CNEP1R1: variants seen among roughly 807,000 people sequenced by gnomAD.
CNEP1R1 encodes the protein CTD nuclear envelope phosphatase 1 regulatory subunit 1.
In CNEP1R1, 10 loss-of-function variants were observed where a neutral mutation model predicts 22.7. The ratio of observed to expected loss-of-function variants is 0.44; its 90% CI spans 0.27 to 0.75. The LOEUF (loss-of-function observed/expected upper bound fraction) is 0.75, where lower values mean the gene tolerates loss of function less well. Ranked by LOEUF, CNEP1R1 falls within the 30% of genes least tolerant of loss-of-function variation. The pLI, the probability that CNEP1R1 is intolerant of heterozygous loss-of-function variation, is 0.17. For synonymous variants in CNEP1R1, 53 were observed against 50.1 expected (o/e 1.06, Z -0.25); for missense variants, 73 against 151.5 (o/e 0.48, Z 2.72).
At position 50,033,891 on chromosome 16, in the gene CNEP1R1, G is replaced by GT. The variant is rs1248241167; in HGVS notation, c.282-201dup. Among the ~76,000 whole-genome samples the GT allele has an allele frequency of 5.5e-3, 740 of 135,604 alleles. 7 individuals are homozygous for GT. Among genetic ancestry groups the GT allele is most frequent in the African/African-American group, 0.018 (664 of 37,548 alleles). The allele number at this position is 135,604 out of a possible 152,430, so 89.0% of individuals were successfully genotyped here. The stretch of plus-strand genomic sequence containing the variant: ...AAAAAAAAAAAAGAGTACGCTTTGT[G>GT]TTTTTTTTTTGAGACAGAGTCTTGC... On this transcript the variant is annotated intron_variant, in intron 4 of 5. Coordinates refer to ENST00000427478, the MANE Select transcript of CNEP1R1 (RefSeq NM_001281789.2).
At chr16:50,033,821 G>A (rs1057318965) in intron 4 of CNEP1R1, among the ~76,000 whole-genome samples, 6 of 147,020 alleles carry the variant, frequency 4.1e-5, no homozygotes, top group South Asian at 2.1e-4. Context: ...CTGAAATCAC[G>A]CCACTGCACT....
At chr16:50,033,289 G>A in intron 3 of CNEP1R1, 108 bp from the exon 4 acceptor site, 1 of 480,950 alleles carries the variant, frequency 2.1e-6, no homozygotes, top group East Asian at 3.3e-5. Flanking sequence ...AAATCCTCAT[G>A]GTTTATATGA....
chr16:50,031,050 C>T (rs910379458), intron 3 of CNEP1R1, among the ~76,000 whole-genome samples: 4 of 152,058 alleles, frequency 2.6e-5, no homozygotes, highest in Admixed American at 6.6e-5. Context: ...AGTAGTTAGT[C>T]TCCAATTTTT....
intron 5 of CNEP1R1, chr16:50,034,455 T>G: frequency 2.8e-6 from 1 of 360,878 alleles, no homozygotes; most frequent in Non-Finnish European, 5.2e-6. Flanking sequence ...GTACAGTGGT[T>G]GTTTGTTATT....
chr16:50,028,364 T>G (rs900425514), intron 2 of CNEP1R1, among the ~76,000 whole-genome samples: 45 of 152,250 alleles, frequency 3.0e-4, no homozygotes, highest in African/African-American at 1.0e-3. Flanking sequence ...AAAGTGTAAA[T>G]CAGTTTGCTG....
chr16:50,032,066 C>T (rs1036830174), intron 3 of CNEP1R1, among the ~76,000 whole-genome samples: 26 of 152,166 alleles, frequency 1.7e-4, no homozygotes, highest in Admixed American at 6.5e-5. Flanking sequence ...TATTTTCAGC[C>T]TCTCATTTCT....
At chr16:50,028,702 A>G (rs1316354644) in intron 2 of CNEP1R1, among the ~76,000 whole-genome samples, 1 of 152,192 alleles carries the variant, frequency 6.6e-6, no homozygotes, top group African/African-American at 2.4e-5. Context: ...AAGCATGTGT[A>G]TGAGGTCCTT....
At chr16:50,034,407 G>T in intron 5 of CNEP1R1, 1 of 478,310 alleles carries the variant, frequency 2.1e-6, no homozygotes, top group Non-Finnish European at 3.8e-6. Context: ...ATAAAATCAT[G>T]ATGCATCTTA....
chr16:50,030,358 C>G (rs1368911374), intron 3 of CNEP1R1, among the ~76,000 whole-genome samples: 2 of 152,158 alleles, frequency 1.3e-5, no homozygotes, highest in Non-Finnish European at 2.9e-5. Flanking sequence ...CACTTGAGCT[C>G]AGGAGATCGA....
At position 50,036,936 on chromosome 16, in the gene CNEP1R1, A is replaced by G. The variant is rs897149586; in HGVS notation, c.*1478A>G. ...TGTGTTCATCTTAGCTTTCACTTGT[A>G]TAAAATTTGATTCTTTGAACTGCAG... On this transcript the variant is annotated 3_prime_UTR_variant, in exon 6 of 6. Transcript: ENST00000427478. The G allele has an allele frequency of 6.5e-6, 1 of 152,690 alleles. No individual in the cohort carries two copies. Among genetic ancestry groups the G allele is most frequent in the African/African-American group, 2.4e-5 (1 of 41,468 alleles). 9.5% of individuals were successfully genotyped at this position (152,690 alleles called of 1,614,324 possible). A position where few individuals can be genotyped will look rare whatever the true frequency, so the allele number is the denominator to read the frequency against.
intron 2 of CNEP1R1, 75 bp downstream of exon 2, chr16:50,026,542 T>A: frequency 8.9e-7 from 1 of 1,127,134 alleles, no homozygotes; most frequent in Non-Finnish European, 1.3e-6. Flanking sequence ...TGATTTGCTT[T>A]TATGTAAAAT....
At chr16:50,031,512 A>G (rs2036230956) in intron 3 of CNEP1R1, among the ~76,000 whole-genome samples, 1 of 152,214 alleles carries the variant, frequency 6.6e-6, no homozygotes, top group South Asian at 2.1e-4. Flanking sequence ...TTGGGAAATG[A>G]GTCTGACTTC....
chr16:50,025,550 T>G (rs2036173147), intron 1 of CNEP1R1: 10 of 1,234,168 alleles, frequency 8.1e-6, no homozygotes, highest in Non-Finnish European at 1.2e-5. Context: ...ACCTAGAGGG[T>G]CGACCTCCTC....
chr16:50,025,993 T>C (rs1316293808), intron 1 of CNEP1R1, among the ~76,000 whole-genome samples: 1 of 152,184 alleles, frequency 6.6e-6, no homozygotes, highest in African/African-American at 2.4e-5. Context: ...TCGAAGACTT[T>C]GATGTTAGGC....
intron 2 of CNEP1R1, among the ~76,000 whole-genome samples, chr16:50,027,878 T>C (rs2036200118): frequency 6.6e-6 from 1 of 152,172 alleles, no homozygotes; most frequent in African/African-American, 2.4e-5. Flanking sequence ...CCCATGGAAA[T>C]ACATAGGAAA....
At chr16:50,035,361 G>A in intron 5 of CNEP1R1, 56 bp from the exon 6 acceptor site, 1 of 942,126 alleles carries the variant, frequency 1.1e-6, no homozygotes, top group Non-Finnish European at 1.7e-6. Flanking sequence ...TAAATAAGCA[G>A]TGGTATTTTT....
At chr16:50,026,835 G>C (rs542506755) in intron 2 of CNEP1R1, 1 of 181,748 alleles carries the variant, frequency 5.5e-6, no homozygotes, top group Non-Finnish European at 1.2e-5. Context: ...TTAGCCGGTC[G>C]TGGTGACGCT....
rs71138024 is a variant in CNEP1R1 at position 50,027,507 on chromosome 16, CAAAAA to C, written c.97+1055_97+1059del. ...TGGGCGACAGAGCGAGACTCTGTCT[CAAAAA>C]AAAAAAAAAAAAAATTTAGCCAGGC... On this transcript the variant is annotated intron_variant, in intron 2 of 5. Coordinates refer to ENST00000427478, the MANE Select transcript of CNEP1R1 (RefSeq NM_001281789.2). Among the ~76,000 whole-genome samples the C allele has an allele frequency of 6.4e-5, 7 of 110,086 alleles. No homozygotes were observed. In the East Asian group the frequency reaches 1.6e-3, roughly 25 times the overall value. The allele number at this position is 110,086 out of a possible 152,430, so 72.2% of individuals were successfully genotyped here.
intron 3 of CNEP1R1, among the ~76,000 whole-genome samples, chr16:50,032,255 T>C (rs2036237022): frequency 6.6e-6 from 1 of 152,228 alleles, no homozygotes; most frequent in African/African-American, 2.4e-5. Context: ...AGGCTCTAAA[T>C]GCTTGTCTTC....
Sources: gnomAD v4.1 joint callset for allele counts (sites outside exome capture counted in the v4.1 genomes callset) on GRCh38, gnomAD v4.1.1 for gene constraint, MANE v1.5 for transcripts, NCBI Gene and HGNC (gene_info 2026-07-23, HGNC 2026-07-21) for gene names.